The following TSPAN3 variants were observed in gnomAD, a reference collection of about 807,000 sequenced individuals.
TSPAN3 encodes the protein tetraspanin-3.
Under a neutral mutation model 31.1 loss-of-function variants are expected in TSPAN3, and 9 were observed. That is an observed-to-expected ratio of 0.29 (90% CI 0.17 to 0.50). The LOEUF is 0.50. Among genes scored for constraint, TSPAN3 ranks in the 20% least tolerant of loss-of-function variants. The pLI is 0.98. For missense variants in TSPAN3, 252 were observed against 313.5 expected (o/e 0.80, Z 1.48); for synonymous variants, 129 against 114.3 (o/e 1.13, Z -0.82).
Position 77,044,672 on chromosome 15 carries a change from A to C in TSPAN3, c.*2163T>G, listed in dbSNP as rs566787800. 6.6e-6 allele frequency: 1 copy of C among 152,300 alleles called. No individual in the cohort carries two copies. Among genetic ancestry groups the C allele is most frequent in the African/African-American group, 2.4e-5 (1 of 41,458 alleles). 9.4% of individuals were successfully genotyped at this position (152,300 alleles called of 1,614,324 possible). On this transcript the variant is annotated 3_prime_UTR_variant, in exon 7 of 7. Transcript: ENST00000267970. ...GGTGTGGAGAATTATCCTCTTGGGC[A>C]AGTTGAAGAACAAGGCTACTGCTTG...
intron 1 of TSPAN3, among the ~76,000 whole-genome samples, chr15:77,066,020 A>C (rs1382896026): frequency 1.3e-5 from 2 of 152,220 alleles, no homozygotes; most frequent in Non-Finnish European, 2.9e-5. Flanking sequence ...GCCTAAGATA[A>C]ATATGAGCAA....
At chr15:77,059,304 G>A (rs955115053) in intron 1 of TSPAN3, among the ~76,000 whole-genome samples, 11 of 152,216 alleles carry the variant, frequency 7.2e-5, no homozygotes, top group South Asian at 6.2e-4. Flanking sequence ...GGATGGTCTC[G>A]ATGTCCTGAC....
intron 1 of TSPAN3, chr15:77,070,044 C>G (rs2152698456): frequency 6.6e-6 from 1 of 152,206 alleles, no homozygotes; most frequent in East Asian, 1.9e-4. Context: ...TATCCGGGTG[C>G]AAAGTCCAGA....
In TSPAN3 at chr15:77,046,540, G is replaced by T; in HGVS notation, c.*295C>A. Reference sequence around the variant, plus strand: ...TTACCACTTGGAGGTAACAGAAGCAGGCTCGTGTCCTCCTTTAATTCTACC... The same window carrying T: ...TTACCACTTGGAGGTAACAGAAGCATGCTCGTGTCCTCCTTTAATTCTACC... On this transcript the variant is annotated 3_prime_UTR_variant, in exon 7 of 7. Coordinates refer to ENST00000267970, the MANE Select transcript of TSPAN3 (RefSeq NM_005724.6). 2.2e-6 allele frequency: 1 copy of T among 459,102 alleles called. No individual in the cohort carries two copies. Among genetic ancestry groups the T allele is most frequent in the Non-Finnish European group, 3.8e-6 (1 of 260,692 alleles). 28.4% of individuals were successfully genotyped at this position (459,102 alleles called of 1,614,324 possible). A position where few individuals can be genotyped will look rare whatever the true frequency, so the allele number is the denominator to read the frequency against.
At chr15:77,059,571 T>C (rs530791571) in intron 1 of TSPAN3, among the ~76,000 whole-genome samples, 2 of 152,354 alleles carry the variant, frequency 1.3e-5, no homozygotes, top group East Asian at 1.9e-4. Flanking sequence ...GAAGTGCAAA[T>C]TAATCAAATT....
At position 77,071,046 on chromosome 15, in the gene TSPAN3, T is replaced by G; in HGVS notation, c.-92A>C. On this transcript the variant is annotated 5_prime_UTR_variant, in exon 1 of 7. Transcript: ENST00000267970. ...GCGGCGGCGCCTCCTCGCTAGGAAC[T>G]GCACGGCCTGCGCGGCGCTCCCCGC... The G allele has an allele frequency of 1.1e-6, 1 of 893,336 alleles. No individual in the cohort carries two copies. The highest frequency in any genetic ancestry group is 1.5e-6 in the Non-Finnish European group (1 of 670,266). 55.3% of individuals were successfully genotyped at this position (893,336 alleles called of 1,614,324 possible). A position where few individuals can be genotyped will look rare whatever the true frequency, so the allele number is the denominator to read the frequency against.
chr15:77,050,710 T>C (rs1159148817), intron 6 of TSPAN3, among the ~76,000 whole-genome samples: 2 of 152,346 alleles, frequency 1.3e-5, no homozygotes, highest in Middle Eastern at 3.4e-3. Context: ...AAAAGAGACC[T>C]TCCTCATATT....
chr15:77,070,775 G>A (rs963079650), intron 1 of TSPAN3, 117 bp downstream of exon 1: 2 of 427,340 alleles, frequency 4.7e-6, no homozygotes, highest in African/African-American at 4.3e-5. Flanking sequence ...GCCGCCTGAG[G>A]GCCCGCGCGC....
At chr15:77,047,268 GACT>G (rs2076699465) in intron 6 of TSPAN3, among the ~76,000 whole-genome samples, 1 of 152,202 alleles carries the variant, frequency 6.6e-6, no homozygotes, top group Non-Finnish European at 1.5e-5. Flanking sequence ...GGCCTCATGT[GACT>G]ACTGAGCACC....
In TSPAN3 at chr15:77,046,222, C is replaced by G; in HGVS notation, c.*613G>C. The G allele has an allele frequency of 2.5e-6, 1 of 394,940 alleles. No homozygotes were observed. The highest frequency in any genetic ancestry group is 4.5e-6 in the Non-Finnish European group (1 of 224,114). The allele number at this position is 394,940 out of a possible 1,614,324, so 24.5% of individuals were successfully genotyped here. On this transcript the variant is annotated 3_prime_UTR_variant, in exon 7 of 7. Coordinates refer to ENST00000267970, the MANE Select transcript of TSPAN3 (RefSeq NM_005724.6). Reference sequence around the variant, plus strand: ...CAGTAGTGCATACATTATACTCCTCCTATAAAGCCAACTTTGATTAAAAAC... The same window carrying G: ...CAGTAGTGCATACATTATACTCCTCGTATAAAGCCAACTTTGATTAAAAAC...
intron 4 of TSPAN3, among the ~76,000 whole-genome samples, chr15:77,053,698 T>C (rs545500098): frequency 2.9e-4 from 44 of 152,252 alleles, no homozygotes; most frequent in African/African-American, 9.6e-4. Context: ...GAAAAGTTGA[T>C]ATTACTGAGG....
At chr15:77,070,589 G>GGT (rs1234738562) in intron 1 of TSPAN3, among the ~76,000 whole-genome samples, 3 of 152,016 alleles carry the variant, frequency 2.0e-5, no homozygotes, top group Admixed American at 1.3e-4. Context: ...CTCCGGGGGG[G>GGT]GGAGACTGGG....
chr15:77,070,845 T>TCGCCCGGCCC, intron 1 of TSPAN3, 47 bp downstream of exon 1: 2 of 1,179,086 alleles, frequency 1.7e-6, no homozygotes, highest in Non-Finnish European at 2.1e-6. Context: ...CGCCGCGGCC[T>TCGCCCGGCCC]CGCCCGGCCC....
chr15:77,060,216 G>T (rs574439962), intron 1 of TSPAN3, among the ~76,000 whole-genome samples: 1 of 152,314 alleles, frequency 6.6e-6, no homozygotes, highest in East Asian at 1.9e-4. Context: ...AGAGAAAACT[G>T]CACGGATTGC....
At chr15:77,070,779 C>A (rs1596175065) in intron 1 of TSPAN3, 113 bp downstream of exon 1, 1 of 483,998 alleles carries the variant, frequency 2.1e-6, no homozygotes, top group Non-Finnish European at 2.7e-6. Flanking sequence ...CCTGAGGGCC[C>A]GCGCGCGGCC....
chr15:77,071,060 G>T lies in TSPAN3; in HGVS notation c.-106C>A. The T allele has an allele frequency of 3.9e-6, 3 of 770,140 alleles. No homozygotes were observed. Among genetic ancestry groups the T allele is most frequent in the Non-Finnish European group, 5.3e-6 (3 of 566,630 alleles). The allele number at this position is 770,140 out of a possible 1,614,324, so 47.7% of individuals were successfully genotyped here. ...TCGCTAGGAACTGCACGGCCTGCGC[G>T]GCGCTCCCCGCAGCCCCTGCGCCGT... On this transcript the variant is annotated 5_prime_UTR_variant, in exon 1 of 7. Transcript: ENST00000267970.
chr15:77,068,835 C>T lies in TSPAN3; in HGVS notation c.63+2057G>A, dbSNP rs541824643. ...ATGATCTCATTCTTTTTTGTGGCTG[C>T]GTGGTGTTCCATGGTGTATATGTGC... On this transcript the variant is annotated intron_variant, in intron 1 of 6. Transcript: ENST00000267970. 2.3e-3 allele frequency among the ~76,000 whole-genome samples: 345 copies of T among 152,192 alleles called. 1 individual carries two copies. Among genetic ancestry groups the T allele is most frequent in the African/African-American group, 5.2e-3 (217 of 41,542 alleles).
chr15:77,051,528 T>TAAAA lies in TSPAN3; in HGVS notation c.669+853_669+856dup, dbSNP rs575430311. On this transcript the variant is annotated intron_variant, in intron 6 of 6. Transcript: ENST00000267970. ...GGGCAACAAAAGCAAAACTCTGTCG[T>TAAAA]AAAAAAAAAAAAAAGAAAAGAAAAG... is the stretch of plus-strand genomic sequence containing the variant. Among the ~76,000 whole-genome samples the TAAAA allele has an allele frequency of 1.9e-4, 24 of 128,352 alleles. No homozygotes were observed. In the South Asian group the frequency reaches 5.9e-3, roughly 32 times the overall value. The allele number at this position is 128,352 out of a possible 152,430, so 84.2% of individuals were successfully genotyped here.
chr15:77,058,498 G>C (rs2076781707), intron 1 of TSPAN3, among the ~76,000 whole-genome samples: 1 of 152,172 alleles, frequency 6.6e-6, no homozygotes, highest in South Asian at 2.1e-4. Context: ...ACCATTTCAG[G>C]CTGGATTAGC....
Sources: gnomAD v4.1 joint callset for allele counts (sites outside exome capture counted in the v4.1 genomes callset) on GRCh38, gnomAD v4.1.1 for gene constraint, MANE v1.5 for transcripts, NCBI Gene and HGNC (gene_info 2026-07-23, HGNC 2026-07-21) for gene names.